The following MSRA variants were observed in gnomAD, a reference collection of about 807,000 sequenced individuals.
The protein encoded by MSRA is methionine sulfoxide reductase A.
Under a neutral mutation model 31.3 loss-of-function variants are expected in MSRA, and 54 were observed. The observed-to-expected ratio is 1.73, with a 90% CI of 1.39 to 2.17. The LOEUF (loss-of-function observed/expected upper bound fraction) is 2.17. MSRA is among the 30% of genes most tolerant of loss of function. The probability of loss-of-function intolerance (pLI) is 0.00; values close to 1 mark genes in which losing one functional copy is unlikely to be tolerated. For missense variants in MSRA, 507 were observed against 300.9 expected (o/e 1.69, Z -5.07); for synonymous variants, 169 against 116.5 (o/e 1.45, Z -2.90).
At chr8:10,154,313 A>G (rs935243347) in intron 1 of MSRA, among the ~76,000 whole-genome samples, 1 of 152,092 alleles carries the variant, frequency 6.6e-6, no homozygotes, top group East Asian at 1.9e-4. Context: ...GTAGCACCCA[A>G]ATCGGCTTCA....
At chr8:10,116,044 G>C (rs1434239166) in intron 1 of MSRA, among the ~76,000 whole-genome samples, 3 of 152,166 alleles carry the variant, frequency 2.0e-5, no homozygotes, top group Admixed American at 6.5e-5. Context: ...CCACTGCTCT[G>C]AGTTGGAGCT....
At chr8:10,382,138 G>A (rs753697491) in intron 5 of MSRA, among the ~76,000 whole-genome samples, 1 of 152,224 alleles carries the variant, frequency 6.6e-6, no homozygotes. Context: ...GGGCAAGGCT[G>A]TTGCAGCTGC....
chr8:10,184,179 G>A (rs905142209), intron 1 of MSRA, among the ~76,000 whole-genome samples: 1 of 151,928 alleles, frequency 6.6e-6, no homozygotes, highest in African/African-American at 2.4e-5. Flanking sequence ...TATTGTTGAT[G>A]GTGTTGGTGG....
At chr8:10,236,043 C>G (rs180911706) in intron 2 of MSRA, among the ~76,000 whole-genome samples, 1 of 152,204 alleles carries the variant, frequency 6.6e-6, no homozygotes, top group East Asian at 1.9e-4. Context: ...ATGATCATCT[C>G]AGAAGAAAGC....
At chr8:10,168,650 C>T (rs899161950) in intron 1 of MSRA, among the ~76,000 whole-genome samples, 2 of 152,030 alleles carry the variant, frequency 1.3e-5, no homozygotes, top group African/African-American at 2.4e-5. Flanking sequence ...AGCAACTGGC[C>T]CAATGTCACA....
chr8:10,250,119 A>G (rs949271147), intron 3 of MSRA, among the ~76,000 whole-genome samples: 2 of 152,176 alleles, frequency 1.3e-5, no homozygotes, highest in Non-Finnish European at 2.9e-5. Context: ...ACACATGCAC[A>G]CACACACACA....
chr8:10,174,583 T>G (rs538866553), intron 1 of MSRA, among the ~76,000 whole-genome samples: 2 of 152,154 alleles, frequency 1.3e-5, no homozygotes, highest in African/African-American at 4.8e-5. Context: ...TCGCACTCTC[T>G]CAGCTTCCTC....
intron 5 of MSRA, among the ~76,000 whole-genome samples, chr8:10,356,128 G>T (rs980863766): frequency 2.6e-5 from 4 of 152,210 alleles, no homozygotes; most frequent in African/African-American, 9.6e-5. Context: ...AGCACCAGGG[G>T]TCTGGACATT....
chr8:10,173,452 C>T (rs1050226203), intron 1 of MSRA, among the ~76,000 whole-genome samples: 1 of 152,186 alleles, frequency 6.6e-6, no homozygotes, highest in Non-Finnish European at 1.5e-5. Flanking sequence ...CAATAGTTAG[C>T]CTCACCTTGC....
chr8:10,314,690 A>G (rs1292263295), intron 4 of MSRA, among the ~76,000 whole-genome samples: 3 of 152,222 alleles, frequency 2.0e-5, no homozygotes, highest in Non-Finnish European at 4.4e-5. Flanking sequence ...GTATAAGAGA[A>G]TACATGTCAA....
chr8:10,348,636 G>T (rs923837563), intron 5 of MSRA, among the ~76,000 whole-genome samples: 2 of 152,096 alleles, frequency 1.3e-5, no homozygotes, highest in Non-Finnish European at 2.9e-5. Flanking sequence ...CCAAAGTGCT[G>T]GGATTACAGG....
chr8:10,174,372 G>A (rs1242093651), intron 1 of MSRA, among the ~76,000 whole-genome samples: 2 of 152,132 alleles, frequency 1.3e-5, no homozygotes, highest in African/African-American at 4.8e-5. Flanking sequence ...GACTCGGGAT[G>A]GAGGAGCCCA....
intron 5 of MSRA, among the ~76,000 whole-genome samples, chr8:10,323,479 G>A (rs560195932): frequency 8.5e-5 from 13 of 152,212 alleles, no homozygotes; most frequent in South Asian, 2.1e-4. Context: ...AGTGCCTTCC[G>A]TGTGATGGTG....
chr8:10,158,065 G>T (rs1007130272), intron 1 of MSRA, among the ~76,000 whole-genome samples: 4 of 152,168 alleles, frequency 2.6e-5, no homozygotes, highest in African/African-American at 7.2e-5. Context: ...CACACTTCCT[G>T]CTTCATAGAT....
intron 5 of MSRA, among the ~76,000 whole-genome samples, chr8:10,418,768 A>G (rs1447928850): frequency 7.3e-6 from 1 of 136,404 alleles, no homozygotes; most frequent in Non-Finnish European, 1.5e-5. Flanking sequence ...GTACACTTAA[A>G]AATGGCTAAG....
At chr8:10,360,141 G>C (rs780888612) in intron 5 of MSRA, among the ~76,000 whole-genome samples, 7 of 152,118 alleles carry the variant, frequency 4.6e-5, no homozygotes, top group Non-Finnish European at 7.4e-5. Flanking sequence ...TGCTGCTGGA[G>C]TGAGCCAAGC....
In MSRA at chr8:10,097,388, A is replaced by C. The variant is rs188855023; in HGVS notation, c.142+42730A>C. Among the ~76,000 whole-genome samples the C allele has an allele frequency of 1.2e-3, 181 of 152,302 alleles. 1 individual carries two copies. The highest frequency in any genetic ancestry group is 3.2e-3 in the African/African-American group (134 of 41,580). On this transcript the variant is annotated intron_variant, in intron 1 of 5. Coordinates refer to ENST00000317173, the MANE Select transcript of MSRA (RefSeq NM_012331.5). ...AAATGGACGCCAAGACATGAAAGACATGCTGATAGGCACTCGGAAGGAAAT... is the reference window on the plus strand; with the variant it reads ...AAATGGACGCCAAGACATGAAAGACCTGCTGATAGGCACTCGGAAGGAAAT...
chr8:10,218,523 A>C (rs1810204661), intron 2 of MSRA, among the ~76,000 whole-genome samples: 6 of 152,206 alleles, frequency 3.9e-5, no homozygotes. Context: ...AGAAACTGCA[A>C]GATATTCTAA....
intron 1 of MSRA, among the ~76,000 whole-genome samples, chr8:10,158,578 T>G (rs905302154): frequency 2.0e-5 from 3 of 152,224 alleles, no homozygotes; most frequent in African/African-American, 7.2e-5. Flanking sequence ...CATCTTCCAT[T>G]GCATGGATGT....
Sources: gnomAD v4.1 joint callset for allele counts (sites outside exome capture counted in the v4.1 genomes callset) on GRCh38, gnomAD v4.1.1 for gene constraint, MANE v1.5 for transcripts, NCBI Gene and HGNC (gene_info 2026-07-23, HGNC 2026-07-21) for gene names.